The following MCF2L variants were observed in gnomAD, a reference collection of about 807,000 sequenced individuals.
The protein encoded by MCF2L is guanine nucleotide exchange factor DBS.
A neutral mutation model predicts 153.4 loss-of-function variants in MCF2L; 97 were observed. The observed-to-expected ratio is 0.63, with a 90% CI of 0.54 to 0.75. MCF2L has a LOEUF of 0.75. MCF2L is among the 30% of genes least tolerant of loss of function. The pLI, the probability that MCF2L is intolerant of heterozygous loss-of-function variation, is 0.00. For synonymous variants in MCF2L, 659 were observed against 632.2 expected (o/e 1.04, Z -0.64); for missense variants, 1,347 against 1,495.2 (o/e 0.90, Z 1.64).
chr13:112,949,791 C>T (rs1360913630), intron 2 of MCF2L, among the ~76,000 whole-genome samples: 2 of 151,896 alleles, frequency 1.3e-5, no homozygotes, highest in East Asian at 3.9e-4. Context: ...ACTAACATGA[C>T]ACTAAATGGT....
At chr13:112,950,248 C>G (rs894206580) in intron 2 of MCF2L, among the ~76,000 whole-genome samples, 1 of 152,086 alleles carries the variant, frequency 6.6e-6, no homozygotes, top group African/African-American at 2.4e-5. Flanking sequence ...CAAGGAAGAT[C>G]TAAATGCATG....
intron 2 of MCF2L, among the ~76,000 whole-genome samples, chr13:112,927,750 G>A (rs1267237849): frequency 6.6e-6 from 1 of 152,060 alleles, no homozygotes; most frequent in East Asian, 1.9e-4. Context: ...AAATACCGGG[G>A]ACAGAGGCAC....
At chr13:113,004,214 A>G (rs1347914907) in intron 1 of MCF2L, among the ~76,000 whole-genome samples, 2 of 152,124 alleles carry the variant, frequency 1.3e-5, no homozygotes, top group Non-Finnish European at 2.9e-5. Flanking sequence ...TCCCTACTAC[A>G]TAGAGGCCAC....
intron 1 of MCF2L, among the ~76,000 whole-genome samples, chr13:112,974,343 C>G (rs1392825429): frequency 6.6e-6 from 1 of 152,116 alleles, no homozygotes; most frequent in Non-Finnish European, 1.5e-5. Context: ...CGTGGCCAAC[C>G]TCTGAGTCTG....
intron 1 of MCF2L, among the ~76,000 whole-genome samples, chr13:112,978,640 G>T (rs1051471124): frequency 6.6e-6 from 1 of 152,196 alleles, no homozygotes; most frequent in Non-Finnish European, 1.5e-5. Flanking sequence ...GTGGCAGGAC[G>T]GGTGTGCACT....
At chr13:113,049,134 T>C (rs750194902) in intron 4 of MCF2L, among the ~76,000 whole-genome samples, 3 of 152,136 alleles carry the variant, frequency 2.0e-5, no homozygotes, top group African/African-American at 4.8e-5. Flanking sequence ...CCAGGAGACA[T>C]GGAGCTCACA....
rs2033559594 is a variant in MCF2L at position 113,076,983 on chromosome 13, C to T, written c.1501-69C>T. On this transcript the variant is annotated intron_variant, in intron 12 of 29. Coordinates refer to ENST00000535094, the MANE Select transcript of MCF2L (RefSeq NM_001112732.3). ...GTTGGGCGTGCCCCGGCACGTTCTG[C>T]GCCTGACTGTGTATTTTTAGTGATG... The T allele has an allele frequency of 7.9e-6, 12 of 1,521,882 alleles. No individual in the cohort carries two copies. In the Admixed American group the frequency reaches 9.2e-5, roughly 12 times the overall value. The allele number at this position is 1,521,882 out of a possible 1,614,324, so 94.3% of individuals were successfully genotyped here.
At position 112,899,468 on chromosome 13, in the gene MCF2L, G is replaced by A. The variant is rs146387806; in HGVS notation, c.-4-2731G>A. On this transcript the variant is annotated intron_variant, in intron 1 of 29. Coordinates refer to the MCF2L transcript ENST00000375608. ...GCTTCATCATCCATCCTCTCGGGGC[G>A]GGAAAGTCTGTTTTCTTGCCCTCAG... Among the ~76,000 whole-genome samples, 595 of 152,294 alleles carry A rather than the reference G, an allele frequency of 3.9e-3. 8 individuals carry two copies. The highest frequency in any genetic ancestry group is 0.014 in the African/African-American group (574 of 41,562).
chr13:113,018,052 C>G (rs2084646091), intron 2 of MCF2L, among the ~76,000 whole-genome samples: 1 of 152,246 alleles, frequency 6.6e-6, no homozygotes. Context: ...GCGGTCCCGT[C>G]TTCTCCCTCC....
At chr13:112,979,216 A>G (rs1489486301) in intron 1 of MCF2L, 7 of 571,456 alleles carry the variant, frequency 1.2e-5, no homozygotes, top group Non-Finnish European at 1.3e-5. Context: ...TGAACTTGAG[A>G]CTTCCTGAGG....
intron 3 of MCF2L, among the ~76,000 whole-genome samples, chr13:113,025,213 C>T (rs1486115732): frequency 3.3e-5 from 3 of 91,308 alleles, no homozygotes; most frequent in East Asian, 5.7e-4. Context: ...GTGGGGTCCC[C>T]GTGACTGTGG....
intron 1 of MCF2L, chr13:113,001,608 A>G: frequency 1.8e-6 from 2 of 1,089,378 alleles, no homozygotes; most frequent in Non-Finnish European, 2.4e-6. Context: ...CTAGACAAGC[A>G]ACACCAGGAA....
chr13:112,961,130 T>C (rs1197144221), intron 2 of MCF2L, among the ~76,000 whole-genome samples: 1 of 90,600 alleles, frequency 1.1e-5, no homozygotes, highest in Non-Finnish European at 2.9e-5. Context: ...GTTGCACCTG[T>C]TCTCCACGTG....
chr13:113,077,153 C>T lies in MCF2L; in HGVS notation c.1602C>T (p.Pro534=), dbSNP rs772507634. 1.1e-5 allele frequency: 18 copies of T among 1,611,228 alleles called. No individual in the cohort carries two copies. The highest frequency in any genetic ancestry group is 6.7e-5 in the East Asian group (3 of 44,836). Residue 534 remains proline (P), a synonymous_variant, in exon 13 of 30, where the codon CCC becomes CCT. Transcript: ENST00000535094. ...LKKLAARQTR[P]VQPVAPRPEA... ...AGCTGGCGGCCAGGCAGACGCGGCC[C>T]GTGCAGCCGGTGGCCCCCAGACCCG...
rs369943277 is a variant in MCF2L, at chr13:113,088,351, G to A, written c.2713G>A (p.Ala905Thr). The change falls in exon 24 of 30, where the codon GCG (alanine) becomes ACG (threonine). Residue 905 changes from alanine (A) to threonine (T), a missense_variant. Physicochemically the swap from Ala to Thr is moderately conservative, Grantham distance 58. Coordinates refer to ENST00000535094, the MANE Select transcript of MCF2L (RefSeq NM_001112732.3). Reference sequence around the variant, plus strand: ...GGCGCCAACTCCTGAGATTAAAGCCGCGTGGGTGAATGAAATTCGGAAAGT... The same window carrying A: ...GGCGCCAACTCCTGAGATTAAAGCCACGTGGGTGAATGAAATTCGGAAAGT... ...VQAPTPEIKAAWVNEIRKVLT... is the reference protein window; with the variant it reads ...VQAPTPEIKATWVNEIRKVLT... The A allele has an allele frequency of 3.2e-5, 51 of 1,613,926 alleles. 1 individual carries two copies. In the South Asian group the frequency reaches 4.7e-4, roughly 15 times the overall value.
At chr13:113,044,860 G>C (rs1186991187) in intron 3 of MCF2L, 2 of 1,612,928 alleles carry the variant, frequency 1.2e-6, no homozygotes, top group East Asian at 2.2e-5. Context: ...GACCAGCACG[G>C]GCACCTCAGA....
chr13:113,008,170 G>A (rs1031338592), intron 1 of MCF2L, among the ~76,000 whole-genome samples: 3 of 152,204 alleles, frequency 2.0e-5, no homozygotes, highest in Non-Finnish European at 4.4e-5. Context: ...GTCCACCTTG[G>A]CCTCCCAAAG....
At position 112,904,256 on chromosome 13, in the gene MCF2L, C is replaced by T. The variant is rs908215408; in HGVS notation, c.169+1885C>T. Among the ~76,000 whole-genome samples, 5 of 152,262 alleles carry T rather than the reference C, an allele frequency of 3.3e-5. No individual in the cohort carries two copies. Among genetic ancestry groups the T allele is most frequent in the Middle Eastern group, 3.4e-3 (1 of 294 alleles). ...GACTAGGGTTAGGGAACCCTCACAA[C>T]TGAACCAAGTGCTCCTATTATTTCT... On this transcript the variant is annotated intron_variant, in intron 2 of 29. Coordinates refer to the MCF2L transcript ENST00000375608. This position sits in a 1 kb window ranked among gnomAD's most constrained non-coding sequence, Gnocchi z 4.2.
intron 1 of MCF2L, chr13:113,001,842 C>T: frequency 6.6e-7 from 1 of 1,522,378 alleles, no homozygotes; most frequent in East Asian, 2.5e-5. Flanking sequence ...GGTGCTGCGC[C>T]ATCCTTTGTG....
Sources: gnomAD v4.1 joint callset for allele counts (sites outside exome capture counted in the v4.1 genomes callset) on GRCh38, gnomAD v4.1.1 for gene constraint, Gnocchi (gnomAD v3.1) non-coding constraint, MANE v1.5 for transcripts, NCBI Gene and HGNC (gene_info 2026-07-23, HGNC 2026-07-21) for gene names.